COL4A2: variants seen among roughly 807,000 people sequenced by gnomAD.
COL4A2 encodes collagen type IV alpha 2 chain, also known as collagen alpha-2(IV) chain.
COL4A2 carries 99 observed loss-of-function variants against 200.2 expected under a neutral mutation model. The observed-to-expected ratio is 0.49, with a 90% CI of 0.42 to 0.58. The LOEUF (loss-of-function observed/expected upper bound fraction) is 0.58. Ranked by LOEUF, COL4A2 falls within the 20% of genes least tolerant of loss-of-function variation. COL4A2 has a pLI of 0.00. For synonymous variants in COL4A2, 897 were observed against 900.6 expected, an observed-to-expected ratio of 1.00 and a Z score of 0.07; for missense variants, 1,950 against 2,314.1, an observed-to-expected ratio of 0.84 and a Z score of 3.23.
Position 110,337,559 on chromosome 13 carries a change from G to T in COL4A2, c.100-19913G>T, listed in dbSNP as rs116430779. ...TGTACTGGTGGCAGGCTCAGAGAGG[G>T]TTGCCTTGGGATTCACAAAGCATGG... On this transcript the variant is annotated intron_variant, in intron 3 of 47. Coordinates refer to ENST00000360467, the MANE Select transcript of COL4A2 (RefSeq NM_001846.4). Among the ~76,000 whole-genome samples the T allele has an allele frequency of 4.5e-4, 69 of 152,344 alleles. 1 individual carries two copies. The highest frequency in any genetic ancestry group is 1.7e-3 in the African/African-American group (69 of 41,592).
At chr13:110,471,297 C>T (rs962042252) in intron 28 of COL4A2, among the ~76,000 whole-genome samples, 1 of 152,118 alleles carries the variant, frequency 6.6e-6, no homozygotes, top group Non-Finnish European at 1.5e-5. Flanking sequence ...CAGTTGCCCA[C>T]GTGAGTTGGG....
chr13:110,432,416 G>T, intron 11 of COL4A2, 56 bp downstream of exon 11: 1 of 1,541,430 alleles, frequency 6.5e-7, no homozygotes, highest in Non-Finnish European at 8.7e-7. Context: ...GTGTTTGTGG[G>T]TTTGTTTGTT....
chr13:110,479,112 C>T (rs564243354), intron 30 of COL4A2, among the ~76,000 whole-genome samples: 73 of 152,322 alleles, frequency 4.8e-4, no homozygotes, highest in African/African-American at 1.6e-3. Context: ...AAACCTGGAC[C>T]GGAGGTTCAG....
At chr13:110,482,454 A>G in intron 31 of COL4A2, 62 bp from the exon 32 acceptor site, 1 of 1,541,932 alleles carries the variant, frequency 6.5e-7, no homozygotes, top group South Asian at 1.1e-5. Context: ...GAGACGTGAG[A>G]CTGAAATGTC....
intron 18 of COL4A2, among the ~76,000 whole-genome samples, chr13:110,447,609 A>G (rs1353512648): frequency 1.3e-5 from 2 of 152,154 alleles, no homozygotes; most frequent in Non-Finnish European, 2.9e-5. Flanking sequence ...TCGTGCGTAT[A>G]TATCTTTGCG....
At chr13:110,337,417 C>G (rs1288429008) in intron 3 of COL4A2, among the ~76,000 whole-genome samples, 5 of 152,216 alleles carry the variant, frequency 3.3e-5, no homozygotes, top group Admixed American at 2.6e-4. Flanking sequence ...TCCCAGCAAG[C>G]GTTCCAGCGG....
chr13:110,509,270 T>TATATATATATATATACAC (rs1435137108), intron 47 of COL4A2, among the ~76,000 whole-genome samples: 3 of 115,600 alleles, frequency 2.6e-5, no homozygotes, highest in African/African-American at 1.0e-4. Context: ...TATATATATA[T>TATATATATATATATACAC]ACACACACAC....
chr13:110,325,677 G>T (rs901405385), intron 3 of COL4A2, among the ~76,000 whole-genome samples: 1 of 152,182 alleles, frequency 6.6e-6, no homozygotes, highest in African/African-American at 2.4e-5. Context: ...GCTTACCCCG[G>T]TAGGTGCTGC....
intron 4 of COL4A2, among the ~76,000 whole-genome samples, chr13:110,403,344 C>A (rs569605154): frequency 5.3e-5 from 8 of 152,214 alleles, no homozygotes. Context: ...TCATGCCACA[C>A]CTTCACTTTG....
Position 110,495,419 on chromosome 13 carries a change from C to T in COL4A2, c.3712C>T (p.Pro1238Ser). 1 of 1,614,074 alleles carries T rather than the reference C, an allele frequency of 6.2e-7. No homozygotes were observed. The highest frequency in any genetic ancestry group is 1.1e-5 in the South Asian group (1 of 91,080). The part of the protein sequence containing the change: ...RGDPGEANTL[P>S]GPVGVPGQKG... ...TGACCCAGGAGAGGCCAACACCCTT[C>T]CAGGCCCTGTGGGAGTCCCAGGACA... Residue 1238 changes from proline (P) to serine (S), a missense_variant, in exon 40 of 48, where the codon CCA becomes TCA. By Grantham distance (74) the Pro-to-Ser change is moderately conservative. Around this residue, in one of 2 missense-constraint regions of COL4A2, gnomAD observed 1,385 missense variants for 1,720.5 expected, o/e 0.80. Transcript: ENST00000360467.
intron 4 of COL4A2, among the ~76,000 whole-genome samples, chr13:110,371,913 C>T (rs1878028393): frequency 1.3e-5 from 2 of 152,032 alleles, no homozygotes; most frequent in African/African-American, 4.8e-5. Flanking sequence ...AATAGGAACT[C>T]CAGAAATGAA....
intron 22 of COL4A2, among the ~76,000 whole-genome samples, chr13:110,461,865 G>A (rs930366655): frequency 6.6e-6 from 1 of 152,144 alleles, no homozygotes; most frequent in East Asian, 1.9e-4. Context: ...TAAAGAAAAG[G>A]TACCATCCAG....
chr13:110,410,225 G>A lies in COL4A2; in HGVS notation c.181-14509G>A, dbSNP rs113930570. On this transcript the variant is annotated intron_variant, in intron 4 of 47. Transcript: ENST00000360467. Reference sequence around the variant, plus strand: ...AAGAAGCCAGGCTGCTCAGCCACTCGTGGGCCACGTCCCCTGTCCCCTCGC... The same window carrying A: ...AAGAAGCCAGGCTGCTCAGCCACTCATGGGCCACGTCCCCTGTCCCCTCGC... Among the ~76,000 whole-genome samples the A allele has an allele frequency of 1.7e-3, 261 of 152,348 alleles. 1 individual carries two copies. The highest frequency in any genetic ancestry group is 6.0e-3 in the African/African-American group (249 of 41,582).
chr13:110,452,582 CTG>C (rs1353249421), intron 20 of COL4A2, among the ~76,000 whole-genome samples: 3 of 152,184 alleles, frequency 2.0e-5, no homozygotes, highest in Non-Finnish European at 2.9e-5. Flanking sequence ...AGTCACTTCT[CTG>C]TGTCTGTTTT....
chr13:110,310,068 TTTCCGTACTCTGAAGAA>T (rs1884931142), intron 3 of COL4A2, among the ~76,000 whole-genome samples: 1 of 152,220 alleles, frequency 6.6e-6, no homozygotes, highest in African/African-American at 2.4e-5. Context: ...AGAGCCCCAG[TTTCCGTACTCTGAAGAA>T]TTACGGCTTC....
At chr13:110,422,084 G>C (rs1396294699) in intron 4 of COL4A2, among the ~76,000 whole-genome samples, 1 of 152,126 alleles carries the variant, frequency 6.6e-6, no homozygotes, top group Admixed American at 6.5e-5. Context: ...TGTAGTTTAT[G>C]GGCAATAAAG....
At chr13:110,454,167 A>C (rs1434247329) in intron 20 of COL4A2, among the ~76,000 whole-genome samples, 3 of 152,220 alleles carry the variant, frequency 2.0e-5, no homozygotes, top group African/African-American at 7.2e-5. Context: ...GAAAAAGTCA[A>C]AATAGGCCTG....
At chr13:110,403,808 G>A (rs4547215) in intron 4 of COL4A2, among the ~76,000 whole-genome samples, 89,569 of 152,048 alleles carry the variant, frequency 0.59, 26,981 homozygotes, top group Non-Finnish European at 0.66. Flanking sequence ...CAGTCCATTC[G>A]TAGTCCATGC....
At chr13:110,477,266 T>C (rs974157920) in intron 29 of COL4A2, among the ~76,000 whole-genome samples, 2 of 152,114 alleles carry the variant, frequency 1.3e-5, no homozygotes, top group Non-Finnish European at 2.9e-5. Context: ...GAAAGAAACG[T>C]AGATCATAAT....
Sources: gnomAD v4.1 joint callset for allele counts (sites outside exome capture counted in the v4.1 genomes callset) on GRCh38, gnomAD v4.1.1 for gene constraint, gnomAD v4.1.1 regional missense constraint, MANE v1.5 for transcripts, NCBI Gene and HGNC (gene_info 2026-07-23, HGNC 2026-07-21) for gene names.